The following MCCC2 variants were observed in gnomAD, a reference collection of about 807,000 sequenced individuals.
MCCC2 encodes methylcrotonyl-CoA carboxylase subunit 2, also known as methylcrotonoyl-CoA carboxylase beta chain, mitochondrial.
MCCC2 carries 52 observed loss-of-function variants against 77.2 expected under a neutral mutation model. The ratio of observed to expected loss-of-function variants is 0.67; its 90% confidence interval spans 0.54 to 0.85. The LOEUF (loss-of-function observed/expected upper bound fraction) is 0.85, where lower values mean the gene tolerates loss of function less well. MCCC2 is among the 40% of genes least tolerant of loss of function. The pLI, the probability that MCCC2 is intolerant of heterozygous loss-of-function variation, is 0.00. For missense variants in MCCC2, 682 were observed against 703.2 expected (o/e 0.97, Z 0.34); for synonymous variants, 253 against 248.4 (o/e 1.02, Z -0.18).
intron 6 of MCCC2, among the ~76,000 whole-genome samples, chr5:71,610,552 T>C (rs1448174034): frequency 6.6e-6 from 1 of 152,240 alleles, no homozygotes; most frequent in Admixed American, 6.5e-5. Context: ...CTGAGAGCTG[T>C]AGACCGGAGC....
intron 2 of MCCC2, among the ~76,000 whole-genome samples, chr5:71,594,526 T>C (rs1464546657): frequency 4.5e-5 from 2 of 44,928 alleles, no homozygotes; most frequent in Admixed American, 6.2e-4. Context: ...AAATTCCGTC[T>C]CAAAAAAAAA....
rs1365918358 is a variant in MCCC2, at chr5:71,587,530, G to A, written c.105G>A (p.Pro35=). ...GDSVASLGTQ[P]DLGSALYQEN... ...CGGTGGCCTCGCTGGGCACCCAGCCGGACTTGGGCTCTGCCCTCTACCAGG... is the reference window on the plus strand; with the variant it reads ...CGGTGGCCTCGCTGGGCACCCAGCCAGACTTGGGCTCTGCCCTCTACCAGG... Residue 35 remains proline (P), a synonymous_variant, in exon 1 of 17, where the codon CCG becomes CCA. Transcript: ENST00000340941. 2.1e-5 allele frequency: 33 copies of A among 1,538,070 alleles called. No homozygotes were observed. Among genetic ancestry groups the A allele is most frequent in the South Asian group, 3.6e-5 (3 of 84,118 alleles).
In MCCC2 at chr5:71,656,902, T is replaced by A; in HGVS notation, c.*42T>A. On this transcript the variant is annotated 3_prime_UTR_variant, in exon 17 of 17. Transcript: ENST00000340941. Reference sequence around the variant, plus strand: ...TTTCTGTTGGACATGTACTGAAAATTAACACATGTAGTAGCCTTAAAATTT... The same window carrying A: ...TTTCTGTTGGACATGTACTGAAAATAAACACATGTAGTAGCCTTAAAATTT... 1 of 1,464,348 alleles carries A rather than the reference T, an allele frequency of 6.8e-7. No homozygotes were observed. The highest frequency in any genetic ancestry group is 9.6e-7 in the Non-Finnish European group (1 of 1,043,848). The allele number at this position is 1,464,348 out of a possible 1,614,324, so 90.7% of individuals were successfully genotyped here.
At position 71,646,380 on chromosome 5, in the gene MCCC2, C is replaced by T. The variant is rs911166238; in HGVS notation, c.1216+103C>T. The T allele has an allele frequency of 6.6e-5, 67 of 1,022,060 alleles. No individual in the cohort carries two copies. In the African/African-American group the frequency reaches 9.0e-4, roughly 14 times the overall value. The allele number at this position is 1,022,060 out of a possible 1,614,324, so 63.3% of individuals were successfully genotyped here. Reference sequence around the variant, plus strand: ...ACACATGTAGACCACTTCATCAGAGCAGGAAGTTCTACTGGACATGCTCTT... The same window carrying T: ...ACACATGTAGACCACTTCATCAGAGTAGGAAGTTCTACTGGACATGCTCTT... On this transcript the variant is annotated intron_variant, in intron 13 of 16. Coordinates refer to ENST00000340941, the MANE Select transcript of MCCC2 (RefSeq NM_022132.5).
At chr5:71,630,183 C>G (rs1252647414) in intron 7 of MCCC2, among the ~76,000 whole-genome samples, 1 of 152,168 alleles carries the variant, frequency 6.6e-6, no homozygotes, top group Non-Finnish European at 1.5e-5. Context: ...TTAGAGAATT[C>G]TAAATTCTGA....
chr5:71,604,595 T>TTA, intron 6 of MCCC2, 127 bp downstream of exon 6: 6 of 752,236 alleles, frequency 8.0e-6, no homozygotes, highest in African/African-American at 1.8e-5. Context: ...TTTTTTTTTT[T>TTA]TATACTTTAG....
intron 16 of MCCC2, 141 bp downstream of exon 16, chr5:71,652,895 T>C: frequency 1.3e-6 from 1 of 779,046 alleles, no homozygotes; most frequent in East Asian, 2.7e-5. Flanking sequence ...AATTTTGTAC[T>C]GTTGTTTCTT....
chr5:71,654,534 A>G (rs1747530063), intron 16 of MCCC2, among the ~76,000 whole-genome samples: 1 of 152,096 alleles, frequency 6.6e-6, no homozygotes, highest in Admixed American at 6.5e-5. Flanking sequence ...AATATAAAAT[A>G]TATATTGTTA....
At chr5:71,608,805 T>C (rs1364909286) in intron 6 of MCCC2, among the ~76,000 whole-genome samples, 1 of 152,156 alleles carries the variant, frequency 6.6e-6, no homozygotes, top group African/African-American at 2.4e-5. Flanking sequence ...CTGTAAAGGA[T>C]TTTATTTCTC....
chr5:71,640,874 A>G (rs1159948818), intron 10 of MCCC2, 129 bp from the exon 11 acceptor site: 1 of 785,030 alleles, frequency 1.3e-6, no homozygotes, highest in African/African-American at 1.7e-5. Context: ...TTCTAGTGAG[A>G]TTTTCTGTGT....
intron 5 of MCCC2, 136 bp from the exon 6 acceptor site, chr5:71,604,220 C>G: frequency 1.3e-6 from 1 of 744,822 alleles, no homozygotes; most frequent in East Asian, 2.7e-5. Context: ...GAACGAGGCT[C>G]TATAACAGTT....
Position 71,626,663 on chromosome 5 carries a change from C to T in MCCC2, c.648C>T (p.Cys216=), listed in dbSNP as rs764349708. 8.1e-6 allele frequency: 13 copies of T among 1,614,088 alleles called. No homozygotes were observed. Among genetic ancestry groups the T allele is most frequent in the South Asian group, 7.7e-5 (7 of 91,080 alleles). The change falls in exon 7 of 17, where the codon TGC becomes TGT. Residue 216 remains cysteine, a synonymous_variant. Transcript: ENST00000340941. The stretch of plus-strand genomic sequence containing the variant: ...AGATCGCAGTGGTCATGGGCTCCTG[C>T]ACCGCAGGAGGAGCCTATGTGCCTG... ...IAQIAVVMGS[C]TAGGAYVPAM...
rs1746780903 is a variant in MCCC2, at chr5:71,633,104, TA to T, written c.803+920del. Among the ~76,000 whole-genome samples the T allele has an allele frequency of 2.4e-3, 51 of 20,928 alleles. 5 individuals are homozygous for T. The highest frequency in any genetic ancestry group is 5.2e-3 in the African/African-American group (40 of 7,730). 13.7% of individuals were successfully genotyped at this position (20,928 alleles called of 152,430 possible). A position where few individuals can be genotyped will look rare whatever the true frequency, so the allele number is the denominator to read the frequency against. Reference sequence around the variant, plus strand: ...TTTTTTTCAGTTTTATATATATATATATATATATATATATATATATATATAT... The same window carrying T: ...TTTTTTTCAGTTTTATATATATATATTATATATATATATATATATATATAT... On this transcript the variant is annotated intron_variant, in intron 8 of 16. Transcript: ENST00000340941.
At chr5:71,634,523 C>A (rs546277290) in intron 8 of MCCC2, among the ~76,000 whole-genome samples, 1 of 152,236 alleles carries the variant, frequency 6.6e-6, no homozygotes, top group Non-Finnish European at 1.5e-5. Context: ...CCGTAACCAA[C>A]TACATCATGA....
intron 16 of MCCC2, among the ~76,000 whole-genome samples, chr5:71,653,758 A>G (rs1018066605): frequency 3.2e-4 from 49 of 151,910 alleles, no homozygotes; most frequent in African/African-American, 1.2e-3. Flanking sequence ...GGCTGAGGCA[A>G]GCAGATCAGT....
chr5:71,606,421 A>T (rs1352096862), intron 6 of MCCC2, among the ~76,000 whole-genome samples: 2 of 151,924 alleles, frequency 1.3e-5, no homozygotes, highest in Admixed American at 1.3e-4. Context: ...TTGTACATTG[A>T]TTTTGTATCC....
chr5:71,587,574 G>T lies in MCCC2; in HGVS notation c.129+20G>T. The T allele has an allele frequency of 6.5e-7, 1 of 1,531,224 alleles. No homozygotes were observed. The highest frequency in any genetic ancestry group is 2.0e-5 in the Admixed American group (1 of 50,850). The allele number at this position is 1,531,224 out of a possible 1,614,324, so 94.9% of individuals were successfully genotyped here. On this transcript the variant is annotated intron_variant, in intron 1 of 16. Transcript: ENST00000340941. ...TACCAGGTAGGCTGAGCGCCCCGGT[G>T]GCCTGGCCGCCGGTGCCAGGCTAGG...
intron 6 of MCCC2, among the ~76,000 whole-genome samples, chr5:71,611,096 A>G (rs1745922579): frequency 1.3e-5 from 2 of 151,540 alleles, no homozygotes; most frequent in Non-Finnish European, 2.9e-5. Flanking sequence ...ATGTATGAAG[A>G]GATACTTAGA....
intron 11 of MCCC2, among the ~76,000 whole-genome samples, chr5:71,641,798 A>G (rs1406985871): frequency 6.6e-6 from 1 of 152,218 alleles, no homozygotes; most frequent in Non-Finnish European, 1.5e-5. Flanking sequence ...TAGGAAAAAA[A>G]CTAGCTGCAG....
Sources: allele counts gnomAD v4.1 joint callset (sites outside exome capture counted in the v4.1 genomes callset), GRCh38; gene constraint gnomAD v4.1.1; transcripts MANE v1.5; gene names NCBI Gene and HGNC (gene_info 2026-07-23, HGNC 2026-07-21).